The following R3HDM2 variants were observed in gnomAD, a reference collection of about 807,000 sequenced individuals.
R3HDM2 encodes the protein R3H domain-containing protein 2.
A neutral mutation model predicts 124.5 loss-of-function variants in R3HDM2; 38 were observed. The ratio of observed to expected loss-of-function variants is 0.31; its 90% CI spans 0.24 to 0.40. The LOEUF is 0.40. R3HDM2 is among the 10% of genes least tolerant of loss of function. The pLI, the probability that R3HDM2 is intolerant of heterozygous loss-of-function variation, is 1.00. For missense variants in R3HDM2, 869 were observed against 1,236.9 expected, an observed-to-expected ratio of 0.70 and a Z score of 4.46; for synonymous variants, 391 against 448.0, an observed-to-expected ratio of 0.87 and a Z score of 1.61.
chr12:57,266,663 G>T, intron 19 of R3HDM2, 68 bp downstream of exon 19: 1 of 1,298,542 alleles, frequency 7.7e-7, no homozygotes, highest in South Asian at 1.2e-5. Context: ...CCCAGCTCTA[G>T]AGCACAGGCC....
At chr12:57,289,854 C>T (rs991037892) in intron 11 of R3HDM2, among the ~76,000 whole-genome samples, 23 of 152,182 alleles carry the variant, frequency 1.5e-4, no homozygotes, top group African/African-American at 5.5e-4. Flanking sequence ...CTGCCTCCTG[C>T]TCCCACACCC....
At chr12:57,390,255 A>T (rs2066464193) in intron 2 of R3HDM2, among the ~76,000 whole-genome samples, 1 of 152,178 alleles carries the variant, frequency 6.6e-6, no homozygotes, top group South Asian at 2.1e-4. Context: ...GCAGTGAACG[A>T]TAGTGATTCC....
At chr12:57,301,045 A>C (rs746988525) in intron 4 of R3HDM2, among the ~76,000 whole-genome samples, 2 of 152,124 alleles carry the variant, frequency 1.3e-5, no homozygotes, top group Non-Finnish European at 2.9e-5. Flanking sequence ...TTGAGGCTGC[A>C]GTGAGCTGTG....
At chr12:57,321,930 G>T (rs1166985498) in intron 2 of R3HDM2, among the ~76,000 whole-genome samples, 3 of 152,126 alleles carry the variant, frequency 2.0e-5, no homozygotes, top group Non-Finnish European at 4.4e-5. Flanking sequence ...GAATACAATT[G>T]TCAAAACTCA....
intron 4 of R3HDM2, 140 bp downstream of exon 4, chr12:57,303,036 C>T: frequency 1.4e-6 from 1 of 740,242 alleles, no homozygotes; most frequent in Admixed American, 2.4e-5. Context: ...CACACTTACG[C>T]AGGTTCACAA....
At chr12:57,285,232 CATT>C (rs2047059126) in intron 12 of R3HDM2, among the ~76,000 whole-genome samples, 1 of 152,078 alleles carries the variant, frequency 6.6e-6, no homozygotes, top group African/African-American at 2.4e-5. Flanking sequence ...TAGAGAAAGG[CATT>C]TTTCTTAAGG....
chr12:57,291,652 TA>T (rs112491276), intron 11 of R3HDM2, among the ~76,000 whole-genome samples: 185 of 111,716 alleles, frequency 1.7e-3, no homozygotes, highest in South Asian at 4.4e-3. Context: ...AAACCCTATC[TA>T]AAAAAAAAAA....
chr12:57,385,222 T>C (rs561044455), intron 2 of R3HDM2, among the ~76,000 whole-genome samples: 15 of 151,354 alleles, frequency 9.9e-5, no homozygotes, highest in Non-Finnish European at 1.9e-4. Flanking sequence ...TTAAGATACA[T>C]TGAGGAGATA....
intron 2 of R3HDM2, among the ~76,000 whole-genome samples, chr12:57,359,267 C>T (rs2061620828): frequency 6.6e-6 from 1 of 151,988 alleles, no homozygotes; most frequent in African/African-American, 2.4e-5. Context: ...CGCCATGCTG[C>T]CCAAGCTGGT....
chr12:57,330,707 T>C (rs1193482998), intron 2 of R3HDM2, among the ~76,000 whole-genome samples: 1 of 142,072 alleles, frequency 7.0e-6, no homozygotes, highest in Non-Finnish European at 1.5e-5. Flanking sequence ...TTTTTTTTTT[T>C]TTTTTTTTTG....
At position 57,269,994 on chromosome 12, in the gene R3HDM2, C is replaced by G. The variant is rs778634125; in HGVS notation, c.1345G>C (p.Ala449Pro). The G allele has an allele frequency of 1.2e-6, 2 of 1,614,156 alleles. No individual in the cohort carries two copies. The highest frequency in any genetic ancestry group is 4.5e-5 in the East Asian group (2 of 44,894). Reference sequence around the variant, plus strand: ...CCAAAGGGGTTGCTGAGGTCATCTGCCTGTTGAGAGAGTATAAGACACAGG... The same window carrying G: ...CCAAAGGGGTTGCTGAGGTCATCTGGCTGTTGAGAGAGTATAAGACACAGG... The part of the protein sequence containing the change: ...PPLNNHMISQ[A>P]DDLSNPFGQM... Residue 449 changes from alanine to proline, a missense_variant and splice_region_variant, in exon 15 of 24, where the codon GCA becomes CCA. Physicochemically the swap from Ala to Pro is conservative, Grantham distance 27 (BLOSUM62 -1). Coordinates refer to ENST00000402412, the MANE Select transcript of R3HDM2 (RefSeq NM_001394031.1).
chr12:57,348,717 AAAAAGAGAG>A (rs1566281720), intron 2 of R3HDM2, among the ~76,000 whole-genome samples: 1 of 22,660 alleles, frequency 4.4e-5, no homozygotes, highest in African/African-American at 7.1e-5. Flanking sequence ...AAAAAAAAAA[AAAAAGAGAG>A]AGAAAAATTA....
chr12:57,339,349 T>C (rs971104057), intron 2 of R3HDM2, among the ~76,000 whole-genome samples: 4 of 152,064 alleles, frequency 2.6e-5, no homozygotes, highest in African/African-American at 9.7e-5. Flanking sequence ...AGAGCAGCAA[T>C]TGGCAAAGCT....
At chr12:57,380,558 A>G (rs1014968992) in intron 2 of R3HDM2, among the ~76,000 whole-genome samples, 1 of 152,218 alleles carries the variant, frequency 6.6e-6, no homozygotes, top group African/African-American at 2.4e-5. Context: ...ATTCAAAGAC[A>G]CAATAAGATT....
At chr12:57,380,084 G>GT (rs1465872738) in intron 2 of R3HDM2, among the ~76,000 whole-genome samples, 1 of 152,062 alleles carries the variant, frequency 6.6e-6, no homozygotes, top group Non-Finnish European at 1.5e-5. Context: ...AGCTCCAAAT[G>GT]TAATAGGATG....
intron 2 of R3HDM2, chr12:57,341,087 A>G (rs1190816689): frequency 6.6e-6 from 1 of 152,232 alleles, no homozygotes; most frequent in East Asian, 1.9e-4. Flanking sequence ...GTCTGTGCAA[A>G]TAAGGCAGAA....
chr12:57,294,536 C>A (rs2049317052), intron 10 of R3HDM2, among the ~76,000 whole-genome samples: 1 of 152,070 alleles, frequency 6.6e-6, no homozygotes, highest in African/African-American at 2.4e-5. Flanking sequence ...GTCTCAAGAC[C>A]ATACAATATC....
At chr12:57,279,639 A>AAAT (rs1046089232) in intron 14 of R3HDM2, among the ~76,000 whole-genome samples, 1 of 151,656 alleles carries the variant, frequency 6.6e-6, no homozygotes, top group East Asian at 2.0e-4. Flanking sequence ...CCCTATCTCA[A>AAAT]AATAATAATA....
intron 2 of R3HDM2, among the ~76,000 whole-genome samples, chr12:57,365,561 A>G (rs1462641907): frequency 6.6e-6 from 1 of 152,260 alleles, no homozygotes; most frequent in East Asian, 1.9e-4. Context: ...TTGGGATCAC[A>G]CAGATCCAAA....
Sources: allele counts gnomAD v4.1 joint callset (sites outside exome capture counted in the v4.1 genomes callset), GRCh38; gene constraint gnomAD v4.1.1; transcripts MANE v1.5; gene names NCBI Gene and HGNC (gene_info 2026-07-23, HGNC 2026-07-21).